The following MCTP1 variants were observed in gnomAD, a reference collection of about 807,000 sequenced individuals.
MCTP1 encodes multiple C2 and transmembrane domain containing 1.
MCTP1 carries 69 observed loss-of-function variants against 120.6 expected under a neutral mutation model. The ratio of observed to expected loss-of-function variants is 0.57; its 90% CI spans 0.47 to 0.70. The LOEUF (loss-of-function observed/expected upper bound fraction) is 0.70, where lower values mean the gene tolerates loss of function less well. MCTP1 is among the 30% of genes least tolerant of loss of function. MCTP1 has a pLI of 0.00. For synonymous variants in MCTP1, 529 were observed against 493.1 expected (o/e 1.07, Z -0.96); for missense variants, 1,203 against 1,248.8 (o/e 0.96, Z 0.55).
intron 1 of MCTP1, among the ~76,000 whole-genome samples, chr5:95,047,829 G>A (rs1449573202): frequency 6.6e-6 from 1 of 151,982 alleles, no homozygotes; most frequent in Non-Finnish European, 1.5e-5. Flanking sequence ...CTCACCATTA[G>A]AGTTTCTATA....
chr5:95,033,297 G>C (rs144739582), intron 1 of MCTP1, among the ~76,000 whole-genome samples: 75 of 151,952 alleles, frequency 4.9e-4, no homozygotes, highest in Non-Finnish European at 9.7e-4. Context: ...CAGGTCAATA[G>C]CCCTAATGAA....
At chr5:95,069,611 G>A (rs1251944478) in intron 1 of MCTP1, among the ~76,000 whole-genome samples, 2 of 151,926 alleles carry the variant, frequency 1.3e-5, no homozygotes, top group Non-Finnish European at 2.9e-5. Context: ...CGTTCTCAGA[G>A]CACACTCTTC....
At chr5:94,800,202 T>G (rs1462447002) in intron 17 of MCTP1, among the ~76,000 whole-genome samples, 1 of 152,218 alleles carries the variant, frequency 6.6e-6, no homozygotes, top group African/African-American at 2.4e-5. Flanking sequence ...CAAACCATTA[T>G]TGTGTAAATG....
intron 2 of MCTP1, among the ~76,000 whole-genome samples, chr5:94,980,516 A>T (rs911049354): frequency 6.6e-6 from 1 of 152,154 alleles, no homozygotes; most frequent in East Asian, 1.9e-4. Flanking sequence ...TGTTGAAAAC[A>T]TATGTTATGT....
intron 1 of MCTP1, among the ~76,000 whole-genome samples, chr5:95,223,518 G>C (rs1753918883): frequency 6.6e-6 from 1 of 151,876 alleles, no homozygotes; most frequent in Admixed American, 6.6e-5. Context: ...CCCTCTTTAA[G>C]GGGGAGTGGA....
chr5:95,058,155 C>T (rs1747927610), intron 1 of MCTP1, among the ~76,000 whole-genome samples: 3 of 152,126 alleles, frequency 2.0e-5, no homozygotes, highest in Admixed American at 2.0e-4. Context: ...GCTCGTTGCT[C>T]TTAGTCTATT....
At chr5:95,192,701 T>C (rs1485493031) in intron 1 of MCTP1, among the ~76,000 whole-genome samples, 1 of 152,122 alleles carries the variant, frequency 6.6e-6, no homozygotes, top group Non-Finnish European at 1.5e-5. Flanking sequence ...AAATAGATTT[T>C]ATTTTAGCTT....
At chr5:95,085,233 C>T (rs1482923843) in intron 1 of MCTP1, among the ~76,000 whole-genome samples, 3 of 152,008 alleles carry the variant, frequency 2.0e-5, no homozygotes, top group East Asian at 1.9e-4. Flanking sequence ...AAAGTAAACG[C>T]CCTCCTGAGT....
In MCTP1 at chr5:94,940,164, G is replaced by A. The variant is rs748240634; in HGVS notation, c.1093C>T (p.Pro365Ser). Residue 365 changes from proline to serine, a missense_variant, in exon 5 of 23, where the codon CCT (proline) becomes TCT (serine). Pro to Ser is a moderately conservative substitution (Grantham distance 74). Around this residue, in one of 2 missense-constraint regions of MCTP1, gnomAD observed 740 missense variants for 871.1 expected, o/e 0.85. Transcript: ENST00000515393. ...PTDVTLTLKDPHYPDHDLGII... is the reference protein window; with the variant it reads ...PTDVTLTLKDSHYPDHDLGII... ...CCAAGATCATGGTCAGGATAATGAG[G>A]ATCTTTCAGAGTAAGGGTCACATCT... The A allele has an allele frequency of 3.1e-6, 5 of 1,606,930 alleles. No homozygotes were observed. In the South Asian group the frequency reaches 4.4e-5, roughly 14 times the overall value.
At chr5:95,024,158 A>G (rs1174243765) in intron 1 of MCTP1, 1 of 412,482 alleles carries the variant, frequency 2.4e-6, no homozygotes, top group Admixed American at 2.7e-5. Context: ...GGGTCTTATC[A>G]AAGAAATCAC....
intron 1 of MCTP1, among the ~76,000 whole-genome samples, chr5:95,186,261 C>CA (rs3864263): frequency 8.1e-4 from 86 of 106,284 alleles, no homozygotes; most frequent in Admixed American, 2.2e-3. Context: ...AGGAATCTAC[C>CA]AAAAAAAAAA....
At chr5:95,040,773 T>G (rs1031973566) in intron 1 of MCTP1, among the ~76,000 whole-genome samples, 19 of 152,168 alleles carry the variant, frequency 1.2e-4, no homozygotes, top group African/African-American at 4.1e-4. Context: ...GGGTTGGGTA[T>G]GTGACCTAAG....
chr5:94,920,856 C>T (rs892281962), intron 7 of MCTP1, among the ~76,000 whole-genome samples: 4 of 151,958 alleles, frequency 2.6e-5, no homozygotes, highest in African/African-American at 4.8e-5. Context: ...TTGACCTGAC[C>T]GGAAGGCGGT....
chr5:94,999,559 T>C (rs1833258750), intron 2 of MCTP1, among the ~76,000 whole-genome samples: 1 of 152,162 alleles, frequency 6.6e-6, no homozygotes. Context: ...CTTTTGTGGG[T>C]CCTTTTATTT....
intron 2 of MCTP1, among the ~76,000 whole-genome samples, chr5:94,961,353 CTA>C (rs920986780): frequency 2.0e-5 from 3 of 151,734 alleles, no homozygotes; most frequent in Non-Finnish European, 4.4e-5. Context: ...GCAAACCACC[CTA>C]TGTTACCTAT....
chr5:94,736,960 T>C (rs1299518216), intron 19 of MCTP1, among the ~76,000 whole-genome samples: 1 of 152,192 alleles, frequency 6.6e-6, no homozygotes, highest in African/African-American at 2.4e-5. Context: ...ATGGAGACCC[T>C]GACTTCATGA....
At chr5:94,827,776 TG>T in intron 17 of MCTP1, among the ~76,000 whole-genome samples, 1 of 151,970 alleles carries the variant, frequency 6.6e-6, no homozygotes, top group Non-Finnish European at 1.5e-5. Context: ...TACTTGTGTA[TG>T]CCTCACGAAG....
chr5:94,771,902 G>A (rs1021297602), intron 19 of MCTP1, among the ~76,000 whole-genome samples: 2 of 152,130 alleles, frequency 1.3e-5, no homozygotes, highest in Non-Finnish European at 2.9e-5. Flanking sequence ...GAAGGTGTAG[G>A]CAGGGCTGCA....
intron 19 of MCTP1, among the ~76,000 whole-genome samples, chr5:94,744,669 A>G (rs1198168420): frequency 1.3e-5 from 2 of 151,990 alleles, no homozygotes; most frequent in African/African-American, 4.8e-5. Flanking sequence ...ACACTGGGCT[A>G]ATTTTTGTAT....
Sources: gnomAD v4.1 joint callset for allele counts (sites outside exome capture counted in the v4.1 genomes callset) on GRCh38, gnomAD v4.1.1 for gene constraint, gnomAD v4.1.1 regional missense constraint, MANE v1.5 for transcripts, NCBI Gene and HGNC (gene_info 2026-07-23, HGNC 2026-07-21) for gene names.